The following SCTR variants were observed in gnomAD, a reference collection of about 807,000 sequenced individuals.
SCTR encodes secretin receptor, also known as pancreatic secretin receptor.
SCTR carries 56 observed loss-of-function variants against 60.8 expected under a neutral mutation model. The ratio of observed to expected loss-of-function variants is 0.92; its 90% CI spans 0.74 to 1.15. SCTR has a LOEUF of 1.15. SCTR is among the 50% of genes most tolerant of loss of function. The pLI, the probability that SCTR is intolerant of heterozygous loss-of-function variation, is 0.00. For synonymous variants in SCTR, 202 were observed against 217.0 expected (o/e 0.93, Z 0.61); for missense variants, 562 against 550.4 (o/e 1.02, Z -0.21).
intron 11 of SCTR, among the ~76,000 whole-genome samples, chr2:119,444,057 A>C (rs1208900394): frequency 6.6e-6 from 1 of 151,712 alleles, no homozygotes; most frequent in Non-Finnish European, 1.5e-5. Context: ...GGCTGGGGAT[A>C]GGTAATGGGG....
At chr2:119,465,391 A>G (rs977728406) in intron 5 of SCTR, among the ~76,000 whole-genome samples, 6 of 152,204 alleles carry the variant, frequency 3.9e-5, no homozygotes, top group Non-Finnish European at 8.8e-5. Flanking sequence ...AGCCATGCCT[A>G]CAGCAGATGC....
intron 7 of SCTR, among the ~76,000 whole-genome samples, chr2:119,454,278 G>A (rs779800304): frequency 6.6e-6 from 1 of 152,278 alleles, no homozygotes; most frequent in East Asian, 1.9e-4. Flanking sequence ...TTGAAGTCTG[G>A]ATAAGAAACA....
chr2:119,475,613 T>TAC (rs35897883), intron 3 of SCTR, among the ~76,000 whole-genome samples: 1 of 147,212 alleles, frequency 6.8e-6, no homozygotes, highest in Non-Finnish European at 1.5e-5. Context: ...CATATATATA[T>TAC]ATATATAGAT....
chr2:119,471,038 C>T (rs917353141), intron 4 of SCTR, among the ~76,000 whole-genome samples: 13 of 152,164 alleles, frequency 8.5e-5, no homozygotes, highest in African/African-American at 2.7e-4. Flanking sequence ...TCTTACAATG[C>T]CAGCCTAAGG....
intron 1 of SCTR, among the ~76,000 whole-genome samples, chr2:119,508,306 T>C (rs974029699): frequency 6.6e-6 from 1 of 152,058 alleles, no homozygotes; most frequent in Non-Finnish European, 1.5e-5. Context: ...AGTTTGCTTC[T>C]GAACCTCCAC....
chr2:119,478,942 C>G (rs374310557), intron 2 of SCTR, 24 bp from the exon 3 acceptor site: 1 of 1,613,730 alleles, frequency 6.2e-7, no homozygotes, highest in African/African-American at 1.3e-5. Context: ...CAGCATCAGA[C>G]AAGGATGGGG....
intron 3 of SCTR, 82 bp downstream of exon 3, chr2:119,478,729 G>A: frequency 7.7e-7 from 1 of 1,292,344 alleles, no homozygotes; most frequent in Non-Finnish European, 1.1e-6. Context: ...AAGGTTCCTT[G>A]GCCTCCTGCC....
intron 1 of SCTR, among the ~76,000 whole-genome samples, chr2:119,519,250 C>G (rs975764985): frequency 1.3e-5 from 2 of 151,884 alleles, no homozygotes; most frequent in Non-Finnish European, 2.9e-5. Flanking sequence ...TCTGGGATTA[C>G]AGGCATGGGC....
chr2:119,449,282 A>G (rs1683054082), intron 9 of SCTR, among the ~76,000 whole-genome samples: 1 of 152,216 alleles, frequency 6.6e-6, no homozygotes, highest in African/African-American at 2.4e-5. Flanking sequence ...CTCCCAGGTG[A>G]TGCTGAAGCT....
intron 4 of SCTR, among the ~76,000 whole-genome samples, chr2:119,468,449 C>A (rs957140532): frequency 6.6e-6 from 1 of 152,210 alleles, no homozygotes; most frequent in African/African-American, 2.4e-5. Context: ...TATTTAACTT[C>A]TTTGAGCCTC....
intron 3 of SCTR, among the ~76,000 whole-genome samples, chr2:119,475,464 G>A (rs1358775262): frequency 6.6e-6 from 1 of 151,900 alleles, no homozygotes; most frequent in Non-Finnish European, 1.5e-5. Flanking sequence ...ACAAGGCAGG[G>A]CCCCCTGCCT....
chr2:119,502,056 G>A (rs1187408991), intron 1 of SCTR, among the ~76,000 whole-genome samples: 6 of 152,136 alleles, frequency 3.9e-5, no homozygotes, highest in African/African-American at 1.2e-4. Context: ...AGGAGTTCAA[G>A]ACCAACCTGG....
intron 4 of SCTR, 98 bp from the exon 5 acceptor site, chr2:119,465,984 C>T (rs1376355302): frequency 5.3e-5 from 41 of 772,762 alleles, no homozygotes; most frequent in East Asian, 2.6e-5. Context: ...AACCCACCGA[C>T]GCTGCTATTC....
intron 1 of SCTR, among the ~76,000 whole-genome samples, chr2:119,516,521 A>G (rs1045642029): frequency 3.3e-5 from 5 of 152,282 alleles, no homozygotes; most frequent in Admixed American, 2.0e-4. Flanking sequence ...AGTTGAATAC[A>G]AAGCAGCAGG....
At chr2:119,512,718 G>A (rs1309474364) in intron 1 of SCTR, among the ~76,000 whole-genome samples, 1 of 152,068 alleles carries the variant, frequency 6.6e-6, no homozygotes, top group Non-Finnish European at 1.5e-5. Flanking sequence ...CTTTATAAAA[G>A]ATTTCCTTGA....
chr2:119,450,782 C>A (rs375246099), intron 9 of SCTR, among the ~76,000 whole-genome samples: 1 of 152,122 alleles, frequency 6.6e-6, no homozygotes, highest in East Asian at 1.9e-4. Context: ...CCAGCCTGGG[C>A]AACACAGTGA....
At chr2:119,461,677 C>CTTCA (rs2104798416) in intron 7 of SCTR, among the ~76,000 whole-genome samples, 170 bp downstream of exon 7, 1 of 142,856 alleles carries the variant, frequency 7.0e-6, no homozygotes, top group South Asian at 2.2e-4. Flanking sequence ...TGCCATTGCA[C>CTTCA]TTCAGCCTGG....
chr2:119,465,984 C>A, intron 4 of SCTR, 98 bp from the exon 5 acceptor site: 1 of 772,880 alleles, frequency 1.3e-6, no homozygotes, highest in African/African-American at 1.7e-5. Context: ...AACCCACCGA[C>A]GCTGCTATTC....
At chr2:119,492,830 T>C (rs2579657) in intron 2 of SCTR, among the ~76,000 whole-genome samples, 1 of 148,982 alleles carries the variant, frequency 6.7e-6, no homozygotes, top group African/African-American at 2.5e-5. Context: ...TTTACTTTTT[T>C]AATATTTATT....
Sources: gnomAD v4.1 joint callset for allele counts (sites outside exome capture counted in the v4.1 genomes callset) on GRCh38, gnomAD v4.1.1 for gene constraint, MANE v1.5 for transcripts, NCBI Gene and HGNC (gene_info 2026-07-23, HGNC 2026-07-21) for gene names.